The following UIMC1 variants were observed in gnomAD, a reference collection of about 807,000 sequenced individuals.
UIMC1 encodes the protein ubiquitin interaction motif containing 1.
UIMC1 carries 42 observed loss-of-function variants against 84.9 expected under a neutral mutation model. The observed-to-expected ratio is 0.49, with a 90% CI of 0.39 to 0.64. The LOEUF is 0.64. Among genes scored for constraint, UIMC1 ranks in the 30% least tolerant of loss-of-function variants. The pLI is 0.00. For missense variants in UIMC1, 825 were observed against 847.6 expected (o/e 0.97, Z 0.33); for synonymous variants, 281 against 293.0 (o/e 0.96, Z 0.42).
intron 10 of UIMC1, among the ~76,000 whole-genome samples, chr5:176,939,274 A>G (rs1581455744): frequency 6.7e-6 from 1 of 149,052 alleles, no homozygotes; most frequent in East Asian, 2.0e-4. Context: ...AAAAAAAAAG[A>G]AAAAAAAAGA....
intron 10 of UIMC1, among the ~76,000 whole-genome samples, chr5:176,934,597 A>G (rs1763501368): frequency 6.6e-6 from 1 of 152,234 alleles, no homozygotes; most frequent in Admixed American, 6.5e-5. Context: ...CACGTGTTAA[A>G]CCCACTGTTA....
intron 10 of UIMC1, among the ~76,000 whole-genome samples, chr5:176,928,673 T>C (rs1252088253): frequency 6.6e-6 from 1 of 152,208 alleles, no homozygotes; most frequent in Non-Finnish European, 1.5e-5. Flanking sequence ...AATTATCGGC[T>C]GAGCGCAGTG....
At chr5:177,002,118 C>CA (rs1241523143) in intron 1 of UIMC1, 1,315 of 105,662 alleles carry the variant, frequency 0.012, 9 homozygotes, top group Non-Finnish European at 0.014. Flanking sequence ...AAGACTGTCT[C>CA]AAAAAAAAAA....
intron 1 of UIMC1, among the ~76,000 whole-genome samples, chr5:177,020,173 T>C (rs1775758127): frequency 1.3e-5 from 2 of 152,240 alleles, no homozygotes; most frequent in Non-Finnish European, 2.9e-5. Context: ...TTCACTGGGC[T>C]CCAGCCATGC....
intron 1 of UIMC1, among the ~76,000 whole-genome samples, chr5:177,019,837 CAGG>C (rs1432399442): frequency 6.6e-6 from 1 of 151,876 alleles, no homozygotes; most frequent in East Asian, 1.9e-4. Context: ...GAGGCTGAGG[CAGG>C]AGAATTGCTT....
At chr5:176,984,039 C>A (rs1185310002) in intron 1 of UIMC1, among the ~76,000 whole-genome samples, 1 of 116,658 alleles carries the variant, frequency 8.6e-6, no homozygotes, top group Non-Finnish European at 1.9e-5. Flanking sequence ...GCCCGGCCGC[C>A]CCGTCTGGGA....
chr5:176,979,214 C>T (rs899794612), intron 2 of UIMC1, among the ~76,000 whole-genome samples: 4 of 152,092 alleles, frequency 2.6e-5, no homozygotes, highest in Admixed American at 6.6e-5. Context: ...TGTCTAATCA[C>T]CAATACTTAG....
At chr5:176,921,591 C>T (rs1216127244) in intron 10 of UIMC1, among the ~76,000 whole-genome samples, 7 of 152,226 alleles carry the variant, frequency 4.6e-5, no homozygotes. Context: ...ACCTTGATTT[C>T]ACCTTAGTCT....
intron 1 of UIMC1, among the ~76,000 whole-genome samples, chr5:177,020,810 A>G (rs1561945074): frequency 6.6e-6 from 1 of 152,180 alleles, no homozygotes; most frequent in African/African-American, 2.4e-5. Context: ...GTTCACCACT[A>G]TATTTCCATG....
At chr5:176,955,919 AG>A (rs1250261957) in intron 8 of UIMC1, 39 bp downstream of exon 8, 2 of 1,587,178 alleles carry the variant, frequency 1.3e-6, no homozygotes, top group East Asian at 4.5e-5. Context: ...AAAGGTAAAT[AG>A]GTATCAGAAA....
intron 1 of UIMC1, among the ~76,000 whole-genome samples, chr5:176,993,209 G>T (rs967650551): frequency 2.6e-5 from 4 of 151,672 alleles, no homozygotes; most frequent in African/African-American, 9.7e-5. Flanking sequence ...TCTTGGCCGG[G>T]TGCAGTGGCT....
intron 1 of UIMC1, among the ~76,000 whole-genome samples, chr5:177,019,271 T>A (rs1239556134): frequency 6.6e-6 from 1 of 152,086 alleles, no homozygotes; most frequent in East Asian, 1.9e-4. Flanking sequence ...TTATCATCAC[T>A]TATGAAGAAA....
Position 176,975,430 on chromosome 5 carries a change from ATTCGACTGT to A in UIMC1, c.189_197del (p.Lys63_Ser65del). On this transcript the variant is annotated inframe_deletion, in exon 3 of 15. Transcript: ENST00000511320. Reference sequence around the variant, plus strand: ...TTCTTTTGGCCAAACACTTTGCTCTATTCGACTGTTTTGTCTTCGTTTTCTGCAACCCAT... The same window carrying A: ...TTCTTTTGGCCAAACACTTTGCTCTATTTGTCTTCGTTTTCTGCAACCCAT... 6.2e-7 allele frequency: 1 copy of A among 1,614,058 alleles called. No individual in the cohort carries two copies. Among genetic ancestry groups the A allele is most frequent in the Non-Finnish European group, 8.5e-7 (1 of 1,179,980 alleles).
upstream of UIMC1, among the ~76,000 whole-genome samples, chr5:177,007,150 G>A (rs1775379640): frequency 6.6e-6 from 1 of 152,018 alleles, no homozygotes; most frequent in African/African-American, 2.4e-5. Flanking sequence ...AGACCAGCCT[G>A]GTCAACATAG....
intron 1 of UIMC1, among the ~76,000 whole-genome samples, chr5:176,990,140 C>T (rs1156530218): frequency 2.0e-5 from 3 of 151,310 alleles, no homozygotes; most frequent in African/African-American, 7.3e-5. Flanking sequence ...GAGATCGAGC[C>T]ACTGCACTCC....
chr5:176,945,173 ATTC>A (rs1456065907), intron 9 of UIMC1, among the ~76,000 whole-genome samples: 4 of 152,334 alleles, frequency 2.6e-5, no homozygotes, highest in Admixed American at 1.3e-4. Flanking sequence ...GGTTCTATTT[ATTC>A]TTCTTCTCTA....
At chr5:176,971,813 G>A (rs1217529117) in intron 3 of UIMC1, among the ~76,000 whole-genome samples, 3 of 152,062 alleles carry the variant, frequency 2.0e-5, no homozygotes, top group Non-Finnish European at 4.4e-5. Flanking sequence ...GGAAGCTGAG[G>A]GAGGAGAATC....
At chr5:177,019,011 T>G (rs1775732091) in intron 1 of UIMC1, among the ~76,000 whole-genome samples, 1 of 152,194 alleles carries the variant, frequency 6.6e-6, no homozygotes, top group Non-Finnish European at 1.5e-5. Context: ...CAAGTGTAAG[T>G]AACTAGAACT....
In UIMC1 at chr5:176,929,730, A is replaced by T. The variant is rs189724349; in HGVS notation, c.1597+13605T>A. ...AATTTTTAAGTTTGAAATTTTTGGTAATTAAAAGTAAAACACACACACACA... is the reference window on the plus strand; with the variant it reads ...AATTTTTAAGTTTGAAATTTTTGGTTATTAAAAGTAAAACACACACACACA... On this transcript the variant is annotated intron_variant, in intron 10 of 14. Transcript: ENST00000511320. Among the ~76,000 whole-genome samples the T allele has an allele frequency of 1.1e-4, 17 of 152,150 alleles. No individual in the cohort carries two copies. In the East Asian group the frequency reaches 2.7e-3, roughly 24 times the overall value.
Sources: gnomAD v4.1 joint callset for allele counts (sites outside exome capture counted in the v4.1 genomes callset) on GRCh38, gnomAD v4.1.1 for gene constraint, MANE v1.5 for transcripts, NCBI Gene and HGNC (gene_info 2026-07-23, HGNC 2026-07-21) for gene names.